The following EXOC4 variants were observed in gnomAD, a reference collection of about 807,000 sequenced individuals.
EXOC4 encodes the protein SEC8-like 1.
Under a neutral mutation model 107.2 loss-of-function variants are expected in EXOC4, and 71 were observed. That is an observed-to-expected ratio of 0.66 (90% CI 0.55 to 0.81). The LOEUF (loss-of-function observed/expected upper bound fraction) is 0.81, where lower values mean the gene tolerates loss of function less well. Among genes scored for constraint, EXOC4 ranks in the 30% least tolerant of loss-of-function variants. EXOC4 has a pLI of 0.00. For missense variants in EXOC4, 1,108 were observed against 1,189.6 expected, an observed-to-expected ratio of 0.93 and a Z score of 1.01; for synonymous variants, 456 against 441.2, an observed-to-expected ratio of 1.03 and a Z score of -0.42.
chr7:133,634,696 G>A (rs769706593), intron 10 of EXOC4, among the ~76,000 whole-genome samples: 29 of 152,184 alleles, frequency 1.9e-4, no homozygotes, highest in Non-Finnish European at 3.7e-4. Context: ...TGTTGGCCAG[G>A]CTGGTCTAGA....
intron 7 of EXOC4, among the ~76,000 whole-genome samples, chr7:133,455,208 T>C (rs1341487291): frequency 6.6e-6 from 1 of 152,216 alleles, no homozygotes; most frequent in African/African-American, 2.4e-5. Flanking sequence ...TGAGTTATAC[T>C]CTTTCTTAAG....
At chr7:133,255,250 C>A (rs1170240840) in intron 1 of EXOC4, among the ~76,000 whole-genome samples, 2 of 151,974 alleles carry the variant, frequency 1.3e-5, no homozygotes, top group African/African-American at 2.4e-5. Flanking sequence ...GATCTCGGCT[C>A]ACTGCAACCT....
chr7:134,084,304 A>G, the EXOC4 span, among the ~76,000 whole-genome samples: 3 of 152,162 alleles, frequency 2.0e-5, no homozygotes, highest in Non-Finnish European at 2.9e-5. Flanking sequence ...TTATTTTTCA[A>G]TAGTGAAGAG....
intron 10 of EXOC4, among the ~76,000 whole-genome samples, chr7:133,668,291 A>G (rs1288511543): frequency 6.6e-6 from 1 of 152,250 alleles, no homozygotes; most frequent in Admixed American, 6.5e-5. Flanking sequence ...GTATACATAC[A>G]GAATATTCAG....
intron 9 of EXOC4, among the ~76,000 whole-genome samples, chr7:133,516,757 C>CTTTTTTTTTTTTTTTTTTTTTT (rs1563093913): frequency 3.8e-4 from 2 of 5,292 alleles, no homozygotes; most frequent in Admixed American, 1.7e-3. Context: ...ACTAGCTGCT[C>CTTTTTTTTTTTTTTTTTTTTTT]ATTTTTTTTT....
chr7:133,569,312 A>C (rs1224745706), intron 9 of EXOC4, among the ~76,000 whole-genome samples: 1 of 152,196 alleles, frequency 6.6e-6, no homozygotes, highest in African/African-American at 2.4e-5. Context: ...AAGAATTTTC[A>C]GTCCTGTAGA....
intron 17 of EXOC4, among the ~76,000 whole-genome samples, chr7:134,031,023 C>T (rs953427263): frequency 7.9e-5 from 12 of 152,138 alleles, no homozygotes; most frequent in African/African-American, 2.9e-4. Context: ...AAAGAAACCA[C>T]ACACTTTACA....
At chr7:133,626,720 C>G (rs1297830427) in intron 9 of EXOC4, among the ~76,000 whole-genome samples, 9 of 152,120 alleles carry the variant, frequency 5.9e-5, no homozygotes. Context: ...TGTCAATGTG[C>G]ATATATTTTC....
chr7:133,630,025 T>C lies in EXOC4; in HGVS notation c.1418-20T>C. ...AAAGTTTCAATGAGCTAAGTCTGTTTTTTTTCTTTCTTCTGAAAGGGGGTC... is the reference window on the plus strand; with the variant it reads ...AAAGTTTCAATGAGCTAAGTCTGTTCTTTTTCTTTCTTCTGAAAGGGGGTC... On this transcript the variant is annotated intron_variant, in intron 9 of 17. Coordinates refer to ENST00000253861, the MANE Select transcript of EXOC4 (RefSeq NM_021807.4). The C allele has an allele frequency of 6.3e-7, 1 of 1,591,332 alleles. No individual in the cohort carries two copies. Among genetic ancestry groups the C allele is most frequent in the South Asian group, 1.1e-5 (1 of 90,574 alleles).
chr7:133,733,349 G>C (rs1795368767), intron 10 of EXOC4: 1 of 152,320 alleles, frequency 6.6e-6, no homozygotes, highest in African/African-American at 2.4e-5. Context: ...AAAATTAACT[G>C]GGCATGGTGG....
rs1800817457 is a variant in EXOC4, at chr7:133,956,279, T to A, written c.2206+18210T>A. On this transcript the variant is annotated intron_variant, in intron 14 of 17. Transcript: ENST00000253861. ...TTTAGCAGTCTCCAGATTCTTTCCA[T>A]AAAACTTAAAGTAAGTGTTAAAAGA... is the stretch of plus-strand genomic sequence containing the variant. Among the ~76,000 whole-genome samples, 3 of 152,298 alleles carry A rather than the reference T, an allele frequency of 2.0e-5. No individual in the cohort carries two copies. The South Asian group carries it at 6.2e-4, about 32-fold the overall frequency.
At chr7:133,715,938 A>G (rs181029621) in intron 10 of EXOC4, among the ~76,000 whole-genome samples, 3 of 152,304 alleles carry the variant, frequency 2.0e-5, no homozygotes, top group South Asian at 2.1e-4. Context: ...TCAAATTGCT[A>G]TATTATTCCT....
intron 11 of EXOC4, among the ~76,000 whole-genome samples, chr7:133,887,468 G>A (rs560426298): frequency 5.3e-5 from 8 of 152,226 alleles, no homozygotes; most frequent in South Asian, 2.1e-4. Context: ...TCAGAAAGAC[G>A]AAATACACCT....
intron 9 of EXOC4, among the ~76,000 whole-genome samples, chr7:133,605,852 C>T (rs560046050): frequency 1.3e-4 from 19 of 151,958 alleles, no homozygotes; most frequent in South Asian, 4.2e-4. Context: ...GAGGGAGGTT[C>T]GGGAGTTGAG....
At chr7:133,296,640 G>A (rs925747951) in intron 3 of EXOC4, among the ~76,000 whole-genome samples, 1 of 151,860 alleles carries the variant, frequency 6.6e-6, no homozygotes, top group Non-Finnish European at 1.5e-5. Flanking sequence ...TGAAGGCTGG[G>A]GTTTTTAGAA....
At chr7:133,523,044 A>G (rs146440922) in intron 9 of EXOC4, among the ~76,000 whole-genome samples, 15 of 152,294 alleles carry the variant, frequency 9.8e-5, no homozygotes, top group African/African-American at 2.4e-4. Flanking sequence ...TAAGAAATAC[A>G]TCGAAAGCTG....
At chr7:133,661,242 G>A (rs1803433737) in intron 10 of EXOC4, among the ~76,000 whole-genome samples, 1 of 152,070 alleles carries the variant, frequency 6.6e-6, no homozygotes, top group Admixed American at 6.6e-5. Context: ...ATGTGCCGAG[G>A]CTCTGAGAAT....
At chr7:133,614,142 T>C (rs1170635022) in intron 9 of EXOC4, among the ~76,000 whole-genome samples, 1 of 151,086 alleles carries the variant, frequency 6.6e-6, no homozygotes, top group Non-Finnish European at 1.5e-5. Context: ...GAAAGTGCCC[T>C]ACACTGGGGG....
At chr7:133,542,449 G>A (rs1374775643) in intron 9 of EXOC4, among the ~76,000 whole-genome samples, 1 of 152,090 alleles carries the variant, frequency 6.6e-6, no homozygotes, top group Non-Finnish European at 1.5e-5. Flanking sequence ...AAGGTTTTAT[G>A]ACCTATAGTG....
Sources: allele counts gnomAD v4.1 joint callset (sites outside exome capture counted in the v4.1 genomes callset), GRCh38; gene constraint gnomAD v4.1.1; transcripts MANE v1.5; gene names NCBI Gene and HGNC (gene_info 2026-07-23, HGNC 2026-07-21).